CREBBP: variants seen among roughly 807,000 people sequenced by gnomAD.
CREBBP encodes CREB-binding protein.
In CREBBP, 19 loss-of-function variants were observed where a neutral mutation model predicts 265.0. That is an observed-to-expected ratio of 0.07 (90% confidence interval 0.05 to 0.11). CREBBP has a LOEUF of 0.11. Among genes scored for constraint, CREBBP ranks in the 10% least tolerant of loss-of-function variants. CREBBP has a pLI of 1.00. For missense variants in CREBBP, 2,525 were observed against 3,219.0 expected (o/e 0.78, Z 5.22); for synonymous variants, 1,457 against 1,223.7 (o/e 1.19, Z -3.98).
chr16:3,812,555 T>C (rs1279332168), intron 2 of CREBBP, among the ~76,000 whole-genome samples: 1 of 150,896 alleles, frequency 6.6e-6, no homozygotes, highest in East Asian at 1.9e-4. Context: ...AAGGCAGGAA[T>C]GGGAAAGAGG....
chr16:3,826,764 T>C (rs1380123673), intron 2 of CREBBP, among the ~76,000 whole-genome samples: 1 of 152,050 alleles, frequency 6.6e-6, no homozygotes, highest in Non-Finnish European at 1.5e-5. Flanking sequence ...TTAAAAGTAA[T>C]GGGGTATCAT....
chr16:3,801,532 T>A (rs939245084), intron 3 of CREBBP, among the ~76,000 whole-genome samples: 2 of 151,970 alleles, frequency 1.3e-5, no homozygotes, highest in Non-Finnish European at 2.9e-5. Flanking sequence ...TAGCTGGGTG[T>A]GGTGGCGCAC....
chr16:3,793,688 A>C (rs1475437428), intron 3 of CREBBP, 62 bp from the exon 4 acceptor site: 6 of 1,571,910 alleles, frequency 3.8e-6, no homozygotes, highest in Admixed American at 3.6e-5. Context: ...CATATTCATT[A>C]ATTATTTCTC....
intron 2 of CREBBP, among the ~76,000 whole-genome samples, chr16:3,835,372 C>T (rs755695562): frequency 2.6e-4 from 39 of 151,970 alleles, no homozygotes; most frequent in Non-Finnish European, 4.3e-4. Context: ...AAATATAAAA[C>T]CCATCCTTAC....
intron 3 of CREBBP, among the ~76,000 whole-genome samples, chr16:3,799,256 C>T (rs955751356): frequency 2.6e-5 from 4 of 152,114 alleles, no homozygotes; most frequent in African/African-American, 7.2e-5. Context: ...GTGATGGTTA[C>T]ACAATATACT....
chr16:3,736,299 G>T, intron 27 of CREBBP, 96 bp from the exon 28 acceptor site: 1 of 1,313,800 alleles, frequency 7.6e-7, no homozygotes, highest in Non-Finnish European at 1.1e-6. Context: ...CCCTCACCAT[G>T]GTGTGGCAGA....
chr16:3,758,698 CTT>C (rs1319960465), intron 17 of CREBBP, among the ~76,000 whole-genome samples, 154 bp downstream of exon 17: 1 of 152,194 alleles, frequency 6.6e-6, no homozygotes, highest in African/African-American at 2.4e-5. Flanking sequence ...AAAATAAACA[CTT>C]TCACTGATAA....
chr16:3,751,960 CA>C (rs368037219), intron 19 of CREBBP, 154 bp from the exon 20 acceptor site: 5 of 723,390 alleles, frequency 6.9e-6, no homozygotes, highest in African/African-American at 5.2e-5. Context: ...ATGAAAGGAA[CA>C]GGGGGCAGGT....
At chr16:3,758,075 A>G (rs753982329) in intron 17 of CREBBP, 27 bp from the exon 18 acceptor site, 4 of 1,611,938 alleles carry the variant, frequency 2.5e-6, no homozygotes, top group Non-Finnish European at 2.5e-6. Flanking sequence ...TGGTCTCAGT[A>G]TAGGGAATCC....
intron 2 of CREBBP, among the ~76,000 whole-genome samples, chr16:3,811,523 C>A (rs2141349639): frequency 6.6e-6 from 1 of 152,322 alleles, no homozygotes; most frequent in East Asian, 1.9e-4. Context: ...CAGCATCTTG[C>A]TCTGTCGCCT....
At chr16:3,730,002 G>C in intron 30 of CREBBP, 128 bp from the exon 31 acceptor site, 7 of 1,472,242 alleles carry the variant, frequency 4.8e-6, no homozygotes, top group Non-Finnish European at 6.4e-6. Flanking sequence ...AGGAGACCCA[G>C]ACAGGATGCG....
intron 1 of CREBBP, among the ~76,000 whole-genome samples, chr16:3,854,608 T>C (rs955080442): frequency 7.2e-5 from 11 of 152,242 alleles, no homozygotes; most frequent in African/African-American, 2.4e-4. Context: ...GCTATCTTCT[T>C]GGCCTTCCTT....
chr16:3,841,568 G>A (rs536940816), intron 2 of CREBBP, among the ~76,000 whole-genome samples: 1 of 152,204 alleles, frequency 6.6e-6, no homozygotes, highest in South Asian at 2.1e-4. Context: ...TTGAGCCCAG[G>A]AGTTCGAGGC....
intron 2 of CREBBP, among the ~76,000 whole-genome samples, chr16:3,849,434 T>TGTGTGTGTGTGTGTG (rs2054756235): frequency 1.5e-3 from 15 of 10,084 alleles, no homozygotes; most frequent in East Asian, 0.016. Flanking sequence ...TGTGTGTGTG[T>TGTGTGTGTGTGTGTG]GTGTGTGTGT....
Position 3,833,974 on chromosome 16 carries a change from T to C in CREBBP, c.798+16323A>G, listed in dbSNP as rs377354905. On this transcript the variant is annotated intron_variant, in intron 2 of 30. Transcript: ENST00000262367. ...AAAAAATGGGCCAAAGACCTTAACATACACCTCATCAAAGAAGACACACAG... is the reference window on the plus strand; with the variant it reads ...AAAAAATGGGCCAAAGACCTTAACACACACCTCATCAAAGAAGACACACAG... Among the ~76,000 whole-genome samples the C allele has an allele frequency of 6.6e-5, 10 of 152,238 alleles. No individual in the cohort carries two copies. In the South Asian group the frequency reaches 8.3e-4, roughly 13 times the overall value.
chr16:3,872,121 G>C (rs1309203168), intron 1 of CREBBP, among the ~76,000 whole-genome samples: 1 of 152,154 alleles, frequency 6.6e-6, no homozygotes, highest in Non-Finnish European at 1.5e-5. Flanking sequence ...TCAACTTTTA[G>C]AGACAGAGCT....
chr16:3,742,625 T>C (rs1042680952), intron 23 of CREBBP: 33 of 152,258 alleles, frequency 2.2e-4, no homozygotes, highest in African/African-American at 7.5e-4. Flanking sequence ...ATCTGCAGTT[T>C]TGTTTACTTT....
chr16:3,732,936 G>A (rs1453761622), intron 28 of CREBBP, among the ~76,000 whole-genome samples: 1 of 152,056 alleles, frequency 6.6e-6, no homozygotes, highest in Non-Finnish European at 1.5e-5. Flanking sequence ...CGGACCTCGG[G>A]TGATCCGCCC....
chr16:3,879,234 G>GCACACACA (rs77377127), intron 1 of CREBBP, among the ~76,000 whole-genome samples: 40 of 150,838 alleles, frequency 2.7e-4, no homozygotes, highest in African/African-American at 9.7e-4. Flanking sequence ...ACACACGCGC[G>GCACACACA]CACACACACA....
Sources: allele counts gnomAD v4.1 joint callset (sites outside exome capture counted in the v4.1 genomes callset), GRCh38; gene constraint gnomAD v4.1.1; transcripts MANE v1.5; gene names NCBI Gene and HGNC (gene_info 2026-07-23, HGNC 2026-07-21).